The following PTPRD variants were observed in gnomAD, a reference collection of about 807,000 sequenced individuals.
The protein encoded by PTPRD is receptor-type tyrosine-protein phosphatase delta.
PTPRD carries 34 observed loss-of-function variants against 214.5 expected under a neutral mutation model. That is an observed-to-expected ratio of 0.16 (90% CI 0.12 to 0.21). PTPRD has a LOEUF of 0.21. Ranked by LOEUF, PTPRD falls within the 10% of genes least tolerant of loss-of-function variation. The pLI, the probability that PTPRD is intolerant of heterozygous loss-of-function variation, is 1.00. For synonymous variants in PTPRD, 1,128 were observed against 845.7 expected (o/e 1.33, Z -5.79); for missense variants, 2,545 against 2,398.7 (o/e 1.06, Z -1.27).
At chr9:9,551,261 T>G (rs925334015) in intron 8 of PTPRD, among the ~76,000 whole-genome samples, 8 of 151,932 alleles carry the variant, frequency 5.3e-5, no homozygotes, top group Non-Finnish European at 8.8e-5. Flanking sequence ...AATGCTTAAC[T>G]GAAAAATCTT....
At chr9:9,420,310 T>C (rs1211447444) in intron 8 of PTPRD, among the ~76,000 whole-genome samples, 1 of 151,844 alleles carries the variant, frequency 6.6e-6, no homozygotes, top group Non-Finnish European at 1.5e-5. Context: ...AGCAAATATT[T>C]AGTAAACTTT....
At chr9:10,069,718 T>G (rs973383153) in intron 3 of PTPRD, among the ~76,000 whole-genome samples, 1 of 152,022 alleles carries the variant, frequency 6.6e-6, no homozygotes, top group African/African-American at 2.4e-5. Context: ...TGACTCATAT[T>G]CTTAGTTTTA....
At chr9:9,833,202 T>C (rs1226005120) in intron 5 of PTPRD, among the ~76,000 whole-genome samples, 1 of 152,006 alleles carries the variant, frequency 6.6e-6, no homozygotes, top group Non-Finnish European at 1.5e-5. Flanking sequence ...CACATAGGTT[T>C]TCTATTTTCC....
intron 7 of PTPRD, among the ~76,000 whole-genome samples, chr9:9,578,532 GA>G (rs1157827533): frequency 1.3e-5 from 2 of 151,956 alleles, no homozygotes; most frequent in African/African-American, 4.8e-5. Flanking sequence ...CTAAAAATTG[GA>G]AAATCATTTT....
intron 5 of PTPRD, among the ~76,000 whole-genome samples, chr9:9,887,114 A>T (rs1199704140): frequency 6.6e-6 from 1 of 152,116 alleles, no homozygotes; most frequent in Non-Finnish European, 1.5e-5. Context: ...AAACACAGTG[A>T]CTTACACATT....
Position 8,485,918 on chromosome 9 carries a change from G to T in PTPRD, c.2899C>A (p.Pro967Thr), listed in dbSNP as rs2135925125. The T allele has an allele frequency of 6.2e-7, 1 of 1,614,190 alleles. No individual in the cohort carries two copies. The highest frequency in any genetic ancestry group is 1.1e-5 in the South Asian group (1 of 91,082). The change falls in exon 28 of 46, where the codon CCG becomes ACG. Residue 967 changes from proline (P) to threonine (T), a missense_variant. Coordinates refer to ENST00000381196, the MANE Select transcript of PTPRD (RefSeq NM_002839.4). Reference protein sequence around the residue: ...LYRDINIPLLPMEQLIVPADT... With the variant: ...LYRDINIPLLTMEQLIVPADT... The stretch of plus-strand genomic sequence containing the variant: ...GCTGGAACAATAAGCTGCTCCATCG[G>T]GAGAAGGGGGATGTTGATATCCCTA...
intron 3 of PTPRD, among the ~76,000 whole-genome samples, chr9:10,205,152 A>G (rs927764829): frequency 6.6e-6 from 1 of 152,076 alleles, no homozygotes; most frequent in African/African-American, 2.4e-5. Flanking sequence ...TACAAGTTTT[A>G]TCAAGTTTAT....
chr9:9,978,104 A>ACGCACACACACG (rs1555422944), intron 4 of PTPRD, among the ~76,000 whole-genome samples: 1 of 151,102 alleles, frequency 6.6e-6, no homozygotes, highest in Non-Finnish European at 1.5e-5. Flanking sequence ...ATTAAAACAC[A>ACGCACACACACG]CACACACACA....
At chr9:9,292,741 C>T (rs897100120) in intron 9 of PTPRD, among the ~76,000 whole-genome samples, 13 of 151,080 alleles carry the variant, frequency 8.6e-5, no homozygotes, top group South Asian at 6.3e-4. Context: ...CTCTTGGCTG[C>T]GACAGTTTCT....
intron 3 of PTPRD, among the ~76,000 whole-genome samples, chr9:10,293,484 C>T (rs2154401692): frequency 6.6e-6 from 1 of 151,812 alleles, no homozygotes; most frequent in South Asian, 2.1e-4. Context: ...AACAAAAAGG[C>T]TAAAAAAGTA....
intron 2 of PTPRD, among the ~76,000 whole-genome samples, chr9:10,450,014 T>C (rs554603148): frequency 6.6e-6 from 1 of 151,666 alleles, no homozygotes; most frequent in Non-Finnish European, 1.5e-5. Flanking sequence ...GTGCAAGATG[T>C]GCTTTGTTAA....
At chr9:9,244,399 A>G (rs964813172) in intron 9 of PTPRD, among the ~76,000 whole-genome samples, 3 of 152,162 alleles carry the variant, frequency 2.0e-5, no homozygotes, top group Non-Finnish European at 4.4e-5. Flanking sequence ...CTACAAGTCT[A>G]CAGTAACCAA....
At chr9:8,391,656 C>G (rs778701415) in intron 36 of PTPRD, among the ~76,000 whole-genome samples, 31 of 152,162 alleles carry the variant, frequency 2.0e-4, no homozygotes, top group Non-Finnish European at 3.8e-4. Context: ...AAAAAGGATT[C>G]TGGCTAAGGG....
chr9:10,094,520 GT>G (rs5896369), intron 3 of PTPRD, among the ~76,000 whole-genome samples: 90 of 137,750 alleles, frequency 6.5e-4, no homozygotes, highest in African/African-American at 1.7e-3. Flanking sequence ...CAACAGTATG[GT>G]TTTTTTTTTC....
intron 33 of PTPRD, 162 bp downstream of exon 33, chr9:8,460,249 C>T (rs745373530): frequency 1.1e-6 from 1 of 873,764 alleles, no homozygotes; most frequent in South Asian, 1.4e-5. Flanking sequence ...ACAGTCTTTA[C>T]ATTTTGATCT....
At chr9:8,401,149 T>G (rs1473510949) in intron 36 of PTPRD, among the ~76,000 whole-genome samples, 1 of 143,870 alleles carries the variant, frequency 7.0e-6, no homozygotes, top group Non-Finnish European at 1.5e-5. Flanking sequence ...TGGTCTTTAT[T>G]TGAAAATATT....
chr9:8,659,621 TG>T (rs1470906544), intron 12 of PTPRD, among the ~76,000 whole-genome samples: 1 of 152,202 alleles, frequency 6.6e-6, no homozygotes, highest in Non-Finnish European at 1.5e-5. Flanking sequence ...TTCCCATCTG[TG>T]GGGTCTTGGA....
chr9:8,542,949 T>A (rs2078870006), intron 14 of PTPRD, among the ~76,000 whole-genome samples: 1 of 152,138 alleles, frequency 6.6e-6, no homozygotes, highest in East Asian at 1.9e-4. Flanking sequence ...CATGCAAGGG[T>A]AGTTTCTCCC....
At chr9:8,827,776 T>C (rs367810126) in intron 11 of PTPRD, among the ~76,000 whole-genome samples, 1 of 152,198 alleles carries the variant, frequency 6.6e-6, no homozygotes, top group African/African-American at 2.4e-5. Context: ...TTACTAGTGA[T>C]TATTAAAATT....
Sources: gnomAD v4.1 joint callset for allele counts (sites outside exome capture counted in the v4.1 genomes callset) on GRCh38, gnomAD v4.1.1 for gene constraint, MANE v1.5 for transcripts, NCBI Gene and HGNC (gene_info 2026-07-23, HGNC 2026-07-21) for gene names.